TEAD1: variants seen among roughly 807,000 people sequenced by gnomAD.
TEAD1 encodes transcriptional enhancer factor TEF-1.
Under a neutral mutation model 54.9 loss-of-function variants are expected in TEAD1, and 9 were observed. That is an observed-to-expected ratio of 0.16 (90% confidence interval 0.10 to 0.29). TEAD1 has a LOEUF of 0.29. Ranked by LOEUF, TEAD1 falls within the 10% of genes least tolerant of loss-of-function variation. TEAD1 has a pLI of 1.00. For missense variants in TEAD1, 387 were observed against 535.9 expected (o/e 0.72, Z 2.74); for synonymous variants, 200 against 187.8 (o/e 1.07, Z -0.53).
At chr11:12,859,625 A>C (rs1749730115) in intron 3 of TEAD1, among the ~76,000 whole-genome samples, 1 of 152,256 alleles carries the variant, frequency 6.6e-6, no homozygotes, top group Non-Finnish European at 1.5e-5. Flanking sequence ...AGTTTGAAAG[A>C]GAATGCTTAG....
intron 3 of TEAD1, among the ~76,000 whole-genome samples, chr11:12,805,118 A>G (rs1312128675): frequency 6.6e-6 from 1 of 152,230 alleles, no homozygotes; most frequent in Non-Finnish European, 1.5e-5. Flanking sequence ...GCAGGGATCA[A>G]AAGACCATTT....
chr11:12,913,217 T>A (rs1948648781), intron 10 of TEAD1, among the ~76,000 whole-genome samples: 1 of 152,142 alleles, frequency 6.6e-6, no homozygotes. Context: ...CCCCTCTCCA[T>A]GTGCAGGTAA....
intron 12 of TEAD1, among the ~76,000 whole-genome samples, chr11:12,934,148 C>G (rs1470382721): frequency 6.6e-6 from 1 of 152,190 alleles, no homozygotes; most frequent in East Asian, 1.9e-4. Flanking sequence ...AAATGTCCAA[C>G]AGTGATAGAC....
At chr11:12,869,230 A>G (rs940923159) in intron 5 of TEAD1, among the ~76,000 whole-genome samples, 1 of 152,132 alleles carries the variant, frequency 6.6e-6, no homozygotes. Flanking sequence ...AGGATAGCTA[A>G]TAAGAGGGAG....
intron 9 of TEAD1, among the ~76,000 whole-genome samples, chr11:12,889,750 CT>C (rs1193568101): frequency 2.0e-5 from 3 of 152,088 alleles, no homozygotes; most frequent in Admixed American, 2.0e-4. Context: ...GAGGCAGGGT[CT>C]CACTGCATTG....
chr11:12,914,227 T>G (rs1948669578), intron 10 of TEAD1, among the ~76,000 whole-genome samples: 1 of 152,258 alleles, frequency 6.6e-6, no homozygotes, highest in Non-Finnish European at 1.5e-5. Context: ...GCTTTTAAGA[T>G]TCTTTGAAGT....
intron 2 of TEAD1, among the ~76,000 whole-genome samples, chr11:12,732,289 T>C (rs918177798): frequency 2.0e-5 from 3 of 152,250 alleles, no homozygotes; most frequent in South Asian, 2.1e-4. Flanking sequence ...TTTCTATCTC[T>C]GTCTTCCTTA....
At chr11:12,783,094 G>GACTTT (rs1564938140) in intron 3 of TEAD1, among the ~76,000 whole-genome samples, 50 of 138,210 alleles carry the variant, frequency 3.6e-4, no homozygotes, top group African/African-American at 1.4e-3. Flanking sequence ...AACCAGGTAA[G>GACTTT]GGTTTGTGTG....
chr11:12,910,747 C>CTTTTTTTT (rs5789752), intron 10 of TEAD1, among the ~76,000 whole-genome samples: 1,749 of 119,704 alleles, frequency 0.015, 51 homozygotes, highest in African/African-American at 0.02. Flanking sequence ...ACTTAATTTG[C>CTTTTTTTT]TTTTTTTTTT....
In TEAD1 at chr11:12,871,962, G is replaced by A. The variant is rs1190394533; in HGVS notation, c.330+7062G>A. On this transcript the variant is annotated intron_variant, in intron 5 of 12. Coordinates refer to ENST00000527636, the MANE Select transcript of TEAD1 (RefSeq NM_021961.6). ...GCCCCTCTGATTATGTCCAGTCGCC[G>A]GTGACTAATTTATGAGCTACATGTG... is the stretch of plus-strand genomic sequence containing the variant. 3.3e-5 allele frequency among the ~76,000 whole-genome samples: 5 copies of A among 152,196 alleles called. No homozygotes were observed. In the East Asian group the frequency reaches 7.7e-4, roughly 24 times the overall value.
At chr11:12,746,304 T>G (rs1210208285) in intron 2 of TEAD1, among the ~76,000 whole-genome samples, 1 of 152,170 alleles carries the variant, frequency 6.6e-6, no homozygotes, top group Non-Finnish European at 1.5e-5. Flanking sequence ...TAAACCTAAT[T>G]AGCTTCGACA....
At chr11:12,812,021 C>G (rs537337632) in intron 3 of TEAD1, among the ~76,000 whole-genome samples, 91 of 152,228 alleles carry the variant, frequency 6.0e-4, no homozygotes, top group Non-Finnish European at 1.2e-3. Flanking sequence ...CTGAAAGCCA[C>G]TATTTAGTTG....
At chr11:12,751,505 A>G (rs551485821) in intron 2 of TEAD1, among the ~76,000 whole-genome samples, 1 of 152,188 alleles carries the variant, frequency 6.6e-6, no homozygotes, top group African/African-American at 2.4e-5. Flanking sequence ...GAAGTCTTGC[A>G]GGTATGTGTA....
intron 3 of TEAD1, among the ~76,000 whole-genome samples, chr11:12,791,174 G>A (rs939320294): frequency 6.6e-6 from 1 of 152,110 alleles, no homozygotes; most frequent in Non-Finnish European, 1.5e-5. Context: ...TCTTATATGG[G>A]GTTCATGCAT....
rs137865502 is a variant in TEAD1, at chr11:12,768,987, G to A, written c.202+4553G>A. ...TAGCGGAGAGGATCCCAGATCACAA[G>A]CCTGGCCTCGGTAGTGGCCAGGAGG... On this transcript the variant is annotated intron_variant, in intron 3 of 12. Transcript: ENST00000527636. Among the ~76,000 whole-genome samples, 9 of 152,314 alleles carry A rather than the reference G, an allele frequency of 5.9e-5. No homozygotes were observed. In the East Asian group the frequency reaches 1.7e-3, roughly 29 times the overall value.
rs373405850 is a variant in TEAD1, at chr11:12,882,964, G to C, written c.575-37G>C. ...ATTTGCCTGAGGCCCAAGGGGAGGT[G>C]AGTGACCAGCATCAAAGGTGACGAT... On this transcript the variant is annotated intron_variant, in intron 8 of 12. Coordinates refer to ENST00000527636, the MANE Select transcript of TEAD1 (RefSeq NM_021961.6). The C allele has an allele frequency of 9.3e-6, 15 of 1,613,972 alleles. No homozygotes were observed. In the African/African-American group the frequency reaches 2.0e-4, roughly 22 times the overall value.
At chr11:12,753,921 G>A (rs967618808) in intron 2 of TEAD1, among the ~76,000 whole-genome samples, 2 of 152,106 alleles carry the variant, frequency 1.3e-5, no homozygotes, top group African/African-American at 2.4e-5. Flanking sequence ...TATTGTGTGT[G>A]GTGGGGTCAA....
At chr11:12,806,277 G>C (rs1468043916) in intron 3 of TEAD1, among the ~76,000 whole-genome samples, 1 of 152,196 alleles carries the variant, frequency 6.6e-6, no homozygotes, top group Non-Finnish European at 1.5e-5. Context: ...GATTGCACAA[G>C]CAAACCTTCT....
chr11:12,865,594 G>T (rs1947600363), intron 5 of TEAD1: 1 of 151,694 alleles, frequency 6.6e-6, no homozygotes, highest in Admixed American at 6.6e-5. Context: ...AGTTTCATTT[G>T]TACTTGAGTT....
Sources: allele counts gnomAD v4.1 joint callset (sites outside exome capture counted in the v4.1 genomes callset), GRCh38; gene constraint gnomAD v4.1.1; transcripts MANE v1.5; gene names NCBI Gene and HGNC (gene_info 2026-07-23, HGNC 2026-07-21).